Variants in TMPRSS15 observed in about 807,000 individuals in gnomAD.
The protein encoded by TMPRSS15 is enteropeptidase.
Under a neutral mutation model 125.3 loss-of-function variants are expected in TMPRSS15, and 128 were observed. The ratio of observed to expected loss-of-function variants is 1.02; its 90% CI spans 0.89 to 1.18. The LOEUF (loss-of-function observed/expected upper bound fraction) is 1.18. Among genes scored for constraint, TMPRSS15 ranks in the 50% most tolerant of loss-of-function variants. The probability of loss-of-function intolerance (pLI) is 0.00; values close to 1 mark genes in which losing one functional copy is unlikely to be tolerated. For missense variants in TMPRSS15, 1,283 were observed against 1,212.7 expected (o/e 1.06, Z -0.86); for synonymous variants, 446 against 423.2 (o/e 1.05, Z -0.66).
intron 22 of TMPRSS15, among the ~76,000 whole-genome samples, chr21:18,280,575 CAA>C (rs1230513414): frequency 6.2e-5 from 3 of 48,362 alleles, no homozygotes; most frequent in Admixed American, 2.1e-4. Flanking sequence ...GACTCCGTCT[CAA>C]AAAAAAAAAA....
At chr21:18,307,949 C>A (rs141239090) in intron 18 of TMPRSS15, among the ~76,000 whole-genome samples, 1 of 152,218 alleles carries the variant, frequency 6.6e-6, no homozygotes, top group African/African-American at 2.4e-5. Flanking sequence ...TGGTGATCTG[C>A]GAAAAGTGAT....
chr21:18,409,855 TCCTTCCCTCCCTCCCTC>T lies in TMPRSS15; in HGVS notation c.11-11543_11-11527del, dbSNP rs1263982404. On this transcript the variant is annotated intron_variant, in intron 1 of 7. Coordinates refer to the TMPRSS15 transcript ENST00000422787. ...ACCCCTCCCTCCTTTCCCCCTTCCT[TCCTTCCCTCCCTCCCTC>T]CCTTCCCTCCCTCCCTCCCTTCCTT... Among the ~76,000 whole-genome samples, 412 of 85,738 alleles carry T rather than the reference TCCTTCCCTCCCTCCCTC, an allele frequency of 4.8e-3. 3 individuals are homozygous for T. The highest frequency in any genetic ancestry group is 6.1e-3 in the Non-Finnish European group (278 of 45,844). The allele number at this position is 85,738 out of a possible 152,430, so 56.2% of individuals were successfully genotyped here. A position where few individuals can be genotyped will look rare whatever the true frequency, so the allele number is the denominator to read the frequency against.
In TMPRSS15 at chr21:18,315,233, G is replaced by A; in HGVS notation, c.1945C>T (p.Gln649Ter). 6.2e-7 allele frequency: 1 copy of A among 1,613,318 alleles called. No individual in the cohort carries two copies. The highest frequency in any genetic ancestry group is 8.5e-7 in the Non-Finnish European group (1 of 1,179,632). The change falls in exon 17 of 25, where the codon CAA becomes TAA. Residue 649 changes from glutamine (Q) to a stop codon, truncating the protein, a stop_gained. Transcript: ENST00000284885. LOFTEE classifies it high-confidence loss of function. Reference sequence around the variant, plus strand: ...GGAACACACTCTCCATTTTTACATTGAAAATGGTCTGCCTTGCATGGCTCT... The same window carrying A: ...GGAACACACTCTCCATTTTTACATTAAAAATGGTCTGCCTTGCATGGCTCT... Reference protein sequence around the residue: ...IPEPCKADHFQCKNGECVPLV... With the variant: ...IPEPCKADHF
chr21:18,435,128 C>T (rs977423263), intron 1 of TMPRSS15, among the ~76,000 whole-genome samples: 1 of 152,122 alleles, frequency 6.6e-6, no homozygotes, highest in African/African-American at 2.4e-5. Flanking sequence ...TTATTTCCTT[C>T]TCCTGCCTAA....
At chr21:18,305,386 C>T (rs1477494682) in intron 18 of TMPRSS15, among the ~76,000 whole-genome samples, 1 of 151,950 alleles carries the variant, frequency 6.6e-6, no homozygotes, top group East Asian at 1.9e-4. Flanking sequence ...GACGGGGTTT[C>T]ACCGGGTTAG....
intron 1 of TMPRSS15, among the ~76,000 whole-genome samples, chr21:18,431,899 T>C (rs2076217050): frequency 6.6e-6 from 1 of 152,192 alleles, no homozygotes; most frequent in East Asian, 1.9e-4. Context: ...CTTCCACATA[T>C]TGATTTCTAT....
intron 3 of TMPRSS15, among the ~76,000 whole-genome samples, chr21:18,390,626 T>G (rs532227761): frequency 7.2e-5 from 11 of 152,188 alleles, no homozygotes; most frequent in Non-Finnish European, 1.3e-4. Context: ...TGTAGATACA[T>G]GGTGCTAAAT....
At chr21:18,314,979 A>G (rs1416148579) in intron 17 of TMPRSS15, among the ~76,000 whole-genome samples, 167 bp downstream of exon 17, 1 of 152,194 alleles carries the variant, frequency 6.6e-6, no homozygotes, top group Non-Finnish European at 1.5e-5. Context: ...CTTTTCTTCT[A>G]TCCAGATGGG....
At chr21:18,473,948 C>T (rs1045172728) in intron 1 of TMPRSS15, among the ~76,000 whole-genome samples, 5 of 151,990 alleles carry the variant, frequency 3.3e-5, no homozygotes, top group African/African-American at 1.2e-4. Context: ...AGGGTTTGTC[C>T]TGTCTTGGTC....
intron 5 of TMPRSS15, among the ~76,000 whole-genome samples, chr21:18,376,822 C>A (rs776884376): frequency 3.9e-5 from 6 of 152,156 alleles, no homozygotes; most frequent in Admixed American, 6.5e-5. Flanking sequence ...GCAACAAAAG[C>A]AGCTGAATGA....
At chr21:18,326,994 G>T (rs1196813271) in intron 15 of TMPRSS15, among the ~76,000 whole-genome samples, 1 of 152,120 alleles carries the variant, frequency 6.6e-6, no homozygotes, top group African/African-American at 2.4e-5. Context: ...AACCTAATCT[G>T]AAGGATGGAT....
intron 1 of TMPRSS15, among the ~76,000 whole-genome samples, chr21:18,439,727 TG>T (rs2076236676): frequency 6.6e-6 from 1 of 151,936 alleles, no homozygotes; most frequent in African/African-American, 2.4e-5. Context: ...GATTTATGGA[TG>T]GAAAAAAAAG....
intron 1 of TMPRSS15, among the ~76,000 whole-genome samples, chr21:18,438,793 T>C (rs1022346539): frequency 6.6e-6 from 1 of 152,216 alleles, no homozygotes; most frequent in Non-Finnish European, 1.5e-5. Context: ...TTATTTATTG[T>C]GAAAATTATG....
intron 1 of TMPRSS15, among the ~76,000 whole-genome samples, chr21:18,440,372 C>CAAAAAAAAAA (rs539968323): frequency 0.017 from 784 of 47,234 alleles, 91 homozygotes; most frequent in African/African-American, 0.048. Context: ...AACTCCGTCT[C>CAAAAAAAAAA]AAAAAAAAAA....
intron 22 of TMPRSS15, among the ~76,000 whole-genome samples, chr21:18,279,603 G>A (rs1292936852): frequency 3.3e-5 from 5 of 151,280 alleles, no homozygotes; most frequent in Admixed American, 2.6e-4. Context: ...CAAAGTGCTG[G>A]GATTACAGGT....
At chr21:18,384,926 T>A (rs2075929293) in intron 3 of TMPRSS15, among the ~76,000 whole-genome samples, 1 of 152,154 alleles carries the variant, frequency 6.6e-6, no homozygotes, top group South Asian at 2.1e-4. Flanking sequence ...CTTCCATGAC[T>A]GGATATAGAA....
At chr21:18,461,413 C>T (rs1285564251) in intron 1 of TMPRSS15, among the ~76,000 whole-genome samples, 1 of 151,996 alleles carries the variant, frequency 6.6e-6, no homozygotes, top group Admixed American at 6.6e-5. Context: ...CAGTGATTGG[C>T]TTTCTGTGTG....
intron 1 of TMPRSS15, among the ~76,000 whole-genome samples, chr21:18,417,777 T>A (rs902229043): frequency 6.6e-6 from 1 of 152,072 alleles, no homozygotes; most frequent in South Asian, 2.1e-4. Flanking sequence ...AGAAAATAAT[T>A]AGGAGAATGC....
At chr21:18,337,181 A>G (rs1378999574) in intron 13 of TMPRSS15, among the ~76,000 whole-genome samples, 2 of 152,210 alleles carry the variant, frequency 1.3e-5, no homozygotes, top group African/African-American at 2.4e-5. Flanking sequence ...GGTGTGAGGT[A>G]CTGCACCCGG....
Sources: allele counts gnomAD v4.1 joint callset (sites outside exome capture counted in the v4.1 genomes callset), GRCh38; gene constraint gnomAD v4.1.1; transcripts MANE v1.5; gene names NCBI Gene and HGNC (gene_info 2026-07-23, HGNC 2026-07-21).